XPO7: variants seen among roughly 807,000 people sequenced by gnomAD.
XPO7 encodes the protein exportin-7.
Under a neutral mutation model 144.3 loss-of-function variants are expected in XPO7, and 21 were observed. The observed-to-expected ratio is 0.15, with a 90% CI of 0.10 to 0.21. XPO7 has a LOEUF of 0.21. XPO7 is among the 10% of genes least tolerant of loss of function. XPO7 has a pLI of 1.00. For missense variants in XPO7, 808 were observed against 1,325.8 expected (o/e 0.61, Z 6.06); for synonymous variants, 580 against 499.6 (o/e 1.16, Z -2.15).
At chr8:21,989,121 A>G (rs1235569754) in intron 16 of XPO7, 38 bp downstream of exon 16, 1 of 1,560,736 alleles carries the variant, frequency 6.4e-7, no homozygotes, top group East Asian at 2.2e-5. Flanking sequence ...CACAACAGAA[A>G]CTGGCATGCC....
chr8:21,924,740 C>T (rs888518518), intron 1 of XPO7, among the ~76,000 whole-genome samples: 3 of 152,142 alleles, frequency 2.0e-5, no homozygotes, highest in African/African-American at 7.2e-5. Context: ...GATGAAAATG[C>T]TCACAACATT....
chr8:21,998,883 A>G, intron 22 of XPO7, 46 bp downstream of exon 22: 1 of 1,597,506 alleles, frequency 6.3e-7, no homozygotes, highest in Non-Finnish European at 8.6e-7. Flanking sequence ...ATTCCAGCTC[A>G]GTCACCACAC....
At chr8:21,941,741 T>G (rs989738927) in intron 1 of XPO7, among the ~76,000 whole-genome samples, 2 of 152,176 alleles carry the variant, frequency 1.3e-5, no homozygotes, top group African/African-American at 4.8e-5. Flanking sequence ...TTCGTTTGTT[T>G]GTTTGTTTTT....
chr8:21,994,557 G>A, intron 20 of XPO7, 106 bp downstream of exon 20: 2 of 1,069,670 alleles, frequency 1.9e-6, no homozygotes, highest in South Asian at 2.8e-5. Context: ...TAGTGAGGCA[G>A]AGAAGATGAA....
Position 21,990,924 on chromosome 8 carries a change from C to G in XPO7, c.2041+5C>G, listed in dbSNP as rs763623905. 1 of 1,612,462 alleles carries G rather than the reference C, an allele frequency of 6.2e-7. No individual in the cohort carries two copies. Among genetic ancestry groups the G allele is most frequent in the Non-Finnish European group, 8.5e-7 (1 of 1,178,680 alleles). ...GTCTCCTCATGGTGGATTTAGGTACCGTAAGAAATCGTAGTGGCTCATGAA... is the reference window on the plus strand; with the variant it reads ...GTCTCCTCATGGTGGATTTAGGTACGGTAAGAAATCGTAGTGGCTCATGAA... On this transcript the variant is annotated splice_donor_5th_base_variant and intron_variant, in intron 18 of 27. Coordinates refer to ENST00000252512, the MANE Select transcript of XPO7 (RefSeq NM_015024.5).
At chr8:21,974,820 A>G in intron 6 of XPO7, 46 bp downstream of exon 6, 1 of 1,409,654 alleles carries the variant, frequency 7.1e-7, no homozygotes, top group South Asian at 1.3e-5. Context: ...TTTTGAAAGA[A>G]TGAGAATGGA....
Position 21,991,950 on chromosome 8 carries a change from T to C in XPO7, c.2124T>C (p.Asn708=). The change falls in exon 19 of 28, where the codon AAT becomes AAC. Residue 708 remains asparagine, a synonymous_variant. Transcript: ENST00000252512. The part of the protein sequence containing the change: ...FEAVAQMFST[N]SFNEQEAKRT... ...CTGTGGCCCAGATGTTTAGCACCAA[T>C]AGTTTCAACGAGCAGGAGGCAAAGG... The C allele has an allele frequency of 1.2e-6, 2 of 1,613,596 alleles. No individual in the cohort carries two copies. Among genetic ancestry groups the C allele is most frequent in the Non-Finnish European group, 1.7e-6 (2 of 1,179,790 alleles).
intron 1 of XPO7, among the ~76,000 whole-genome samples, chr8:21,963,665 A>G (rs1811796762): frequency 6.6e-6 from 1 of 151,266 alleles, no homozygotes; most frequent in Non-Finnish European, 1.5e-5. Flanking sequence ...ACTGCACTCC[A>G]GCCTGGGCGA....
At chr8:21,947,304 T>A (rs1372860955) in intron 1 of XPO7, among the ~76,000 whole-genome samples, 1 of 152,182 alleles carries the variant, frequency 6.6e-6, no homozygotes, top group East Asian at 1.9e-4. Flanking sequence ...GACTTTTTTT[T>A]AGAATATGTG....
chr8:21,949,281 A>G (rs1280115224), intron 1 of XPO7, among the ~76,000 whole-genome samples: 1 of 152,182 alleles, frequency 6.6e-6, no homozygotes, highest in Non-Finnish European at 1.5e-5. Context: ...AGCACGAGTC[A>G]TGGGGATTCC....
At chr8:21,977,056 A>C (rs878872) in intron 7 of XPO7, among the ~76,000 whole-genome samples, 1 of 152,104 alleles carries the variant, frequency 6.6e-6, no homozygotes, top group Non-Finnish European at 1.5e-5. Flanking sequence ...AATAATAGAT[A>C]TGTATTTCAC....
intron 25 of XPO7, chr8:22,002,849 A>G (rs1345745618): frequency 2.8e-5 from 5 of 175,980 alleles, no homozygotes; most frequent in Non-Finnish European, 6.0e-5. Flanking sequence ...TCAGGACTCC[A>G]TTACATTCAC....
chr8:21,920,114 GC>G (rs1810222700), intron 1 of XPO7, among the ~76,000 whole-genome samples: 1 of 149,810 alleles, frequency 6.7e-6, no homozygotes, highest in African/African-American at 2.4e-5. Flanking sequence ...AAGTCCTCGG[GC>G]CCCCCCGCCC....
chr8:21,921,061 G>A (rs1810266470), intron 1 of XPO7, among the ~76,000 whole-genome samples: 1 of 152,132 alleles, frequency 6.6e-6, no homozygotes. Context: ...GTAATCACAG[G>A]TGGAAAACCA....
chr8:22,002,000 C>A, intron 24 of XPO7, 112 bp from the exon 25 acceptor site: 2 of 1,300,338 alleles, frequency 1.5e-6, no homozygotes, highest in Non-Finnish European at 2.1e-6. Context: ...CTTGAGCAAC[C>A]GCCTTGGTTG....
chr8:21,994,528 G>T, intron 20 of XPO7, 77 bp downstream of exon 20: 1 of 1,363,020 alleles, frequency 7.3e-7, no homozygotes, highest in Non-Finnish European at 1.0e-6. Flanking sequence ...TCCAGAGACG[G>T]TGTAGGGGGA....
In XPO7 at chr8:21,964,970, G is replaced by C. The variant is rs560621371; in HGVS notation, c.19-1887G>C. Among the ~76,000 whole-genome samples, 6 of 152,100 alleles carry C rather than the reference G, an allele frequency of 3.9e-5. No individual in the cohort carries two copies. In the South Asian group the frequency reaches 1.2e-3, roughly 32 times the overall value. ...CATAAGCATCAGGACTGTTCAGGGA[G>C]TGTCTGTTCAGGATGTTGGAAAGCT... On this transcript the variant is annotated intron_variant, in intron 1 of 27. Transcript: ENST00000252512.
intron 20 of XPO7, among the ~76,000 whole-genome samples, chr8:21,994,884 T>G (rs1812891913): frequency 6.6e-6 from 1 of 152,164 alleles, no homozygotes; most frequent in South Asian, 2.1e-4. Context: ...AAACCCCGTC[T>G]GTACTAAAAA....
At chr8:21,959,525 A>G (rs1811651111) in intron 1 of XPO7, among the ~76,000 whole-genome samples, 1 of 152,214 alleles carries the variant, frequency 6.6e-6, no homozygotes, top group South Asian at 2.1e-4. Flanking sequence ...ATCAACTCCA[A>G]AAGAAACCTT....
Sources: gnomAD v4.1 joint callset for allele counts (sites outside exome capture counted in the v4.1 genomes callset) on GRCh38, gnomAD v4.1.1 for gene constraint, MANE v1.5 for transcripts, NCBI Gene and HGNC (gene_info 2026-07-23, HGNC 2026-07-21) for gene names.